Variants in ADHFE1 observed in about 807,000 individuals in gnomAD.
ADHFE1 encodes the protein hydroxyacid-oxoacid transhydrogenase, mitochondrial.
A neutral mutation model predicts 54.8 loss-of-function variants in ADHFE1; 37 were observed. That is an observed-to-expected ratio of 0.68 (90% CI 0.52 to 0.89). ADHFE1 has a LOEUF of 0.89. Ranked by LOEUF, ADHFE1 falls within the 40% of genes least tolerant of loss-of-function variation. The pLI is 0.00. For missense variants in ADHFE1, 601 were observed against 591.2 expected, an observed-to-expected ratio of 1.02 and a Z score of -0.17; for synonymous variants, 203 against 229.3, an observed-to-expected ratio of 0.89 and a Z score of 1.04.
chr8:66,439,275 A>C lies in ADHFE1; in HGVS notation c.60-887A>C. The C allele has an allele frequency of 1.0e-6, 1 of 985,518 alleles. No homozygotes were observed. The highest frequency in any genetic ancestry group is 1.2e-6 in the Non-Finnish European group (1 of 829,986). 61.0% of individuals were successfully genotyped at this position (985,518 alleles called of 1,614,324 possible). On this transcript the variant is annotated intron_variant, in intron 1 of 13. Transcript: ENST00000396623. This position sits in a 1 kb window ranked among gnomAD's most constrained non-coding sequence, Gnocchi z 4.4. ...CGGGGAGAAGGAAGTGATGCACTCA[A>C]GTATCTACCGAGACCCAACCACTGG...
chr8:66,464,892 G>T (rs988152791), intron 13 of ADHFE1, among the ~76,000 whole-genome samples: 3 of 151,998 alleles, frequency 2.0e-5, no homozygotes, highest in Non-Finnish European at 4.4e-5. Context: ...CACAGCCCCT[G>T]GGAACCTCTG....
chr8:66,465,646 C>T (rs1807132827), intron 13 of ADHFE1, among the ~76,000 whole-genome samples: 1 of 152,146 alleles, frequency 6.6e-6, no homozygotes, highest in African/African-American at 2.4e-5. Flanking sequence ...TGTCATCAGG[C>T]TGGAGTGCAG....
At position 66,432,546 on chromosome 8, in the gene ADHFE1, G is replaced by T. The variant is rs567279706; in HGVS notation, c.30G>T (p.Ala10=). The T allele has an allele frequency of 2.0e-5, 27 of 1,357,350 alleles. No homozygotes were observed. The African/African-American group carries it at 3.4e-4, about 17-fold the overall frequency. 84.1% of individuals were successfully genotyped at this position (1,357,350 alleles called of 1,614,324 possible). A position where few individuals can be genotyped will look rare whatever the true frequency, so the allele number is the denominator to read the frequency against. Residue 10 remains alanine, a synonymous_variant, in exon 1 of 14, where the codon GCG becomes GCT. Transcript: ENST00000396623. ...CCGCTGCCGCCCGAGCCCGGGTCGCGTACTTGCTGAGGCAACTGCAACGCG... is the reference window on the plus strand; with the variant it reads ...CCGCTGCCGCCCGAGCCCGGGTCGCTTACTTGCTGAGGCAACTGCAACGCG... MAAAARARV[A]YLLRQLQRAA... is the part of the protein sequence containing the mutation.
At chr8:66,438,867 GA>G (rs5892054) in intron 1 of ADHFE1, among the ~76,000 whole-genome samples, 93,211 of 149,546 alleles carry the variant, frequency 0.62, 30,461 homozygotes, top group African/African-American at 0.82. Flanking sequence ...GCTTGGGGAA[GA>G]AAAAAAAAAG....
At chr8:66,435,011 G>T (rs1240372695) in intron 1 of ADHFE1, among the ~76,000 whole-genome samples, 1 of 150,774 alleles carries the variant, frequency 6.6e-6, no homozygotes, top group Admixed American at 6.6e-5. Flanking sequence ...ATGCAGCCCT[G>T]CTTTGACTGT....
At chr8:66,460,140 G>C in intron 12 of ADHFE1, 168 bp from the exon 13 acceptor site, 1 of 759,300 alleles carries the variant, frequency 1.3e-6, no homozygotes, top group Non-Finnish European at 2.1e-6. Context: ...AGCTAAGTGA[G>C]CTCCCCCAGC....
At chr8:66,466,931 T>C (rs1018672324) in intron 13 of ADHFE1, among the ~76,000 whole-genome samples, 1 of 152,192 alleles carries the variant, frequency 6.6e-6, no homozygotes, top group African/African-American at 2.4e-5. Flanking sequence ...CAGAGCCAGA[T>C]CGGGGTAGCC....
rs780847974 is a variant in ADHFE1 at position 66,445,380 on chromosome 8, G to A, written c.516G>A (p.Lys172=). ...TCAGTGCCCCCATTGGCAAGGGAAA[G>A]CCTGTGTCTGTGCCTCTTAAGCCTC... The part of the protein sequence containing the change: ...DYVSAPIGKG[K]PVSVPLKPLI... The change falls in exon 6 of 14, where the codon AAG becomes AAA. Residue 172 remains lysine, a synonymous_variant. Coordinates refer to ENST00000396623, the MANE Select transcript of ADHFE1 (RefSeq NM_144650.3). 1 of 1,613,514 alleles carries A rather than the reference G, an allele frequency of 6.2e-7. No individual in the cohort carries two copies. The highest frequency in any genetic ancestry group is 8.5e-7 in the Non-Finnish European group (1 of 1,179,906).
intron 12 of ADHFE1, 33 bp from the exon 13 acceptor site, chr8:66,460,275 C>G (rs764518674): frequency 5.0e-6 from 8 of 1,611,596 alleles, no homozygotes; most frequent in African/African-American, 1.3e-5. Flanking sequence ...GTTTCTTCCT[C>G]TCTCCCTACA....
rs139901096 is a variant in ADHFE1 at position 66,451,481 on chromosome 8, C to G, written c.735-472C>G. Among the ~76,000 whole-genome samples the G allele has an allele frequency of 6.9e-3, 1,052 of 152,282 alleles. 15 individuals are homozygous for G. The highest frequency in any genetic ancestry group is 0.024 in the African/African-American group (1,014 of 41,526). ...TGTTCCAGGATTGACATCTGGGCAG[C>G]TGACCCCAAAGTCTATATTCTCACT... On this transcript the variant is annotated intron_variant, in intron 8 of 13. Coordinates refer to ENST00000396623, the MANE Select transcript of ADHFE1 (RefSeq NM_144650.3).
intron 8 of ADHFE1, among the ~76,000 whole-genome samples, chr8:66,449,692 C>T (rs2130415038): frequency 6.6e-6 from 1 of 152,344 alleles, no homozygotes; most frequent in Middle Eastern, 3.4e-3. Context: ...TCACATTCAG[C>T]ATGTGCCAAA....
intron 6 of ADHFE1, among the ~76,000 whole-genome samples, chr8:66,446,602 AAC>A (rs1317324474): frequency 2.0e-5 from 3 of 152,214 alleles, no homozygotes; most frequent in Non-Finnish European, 4.4e-5. Context: ...ATGCACATTA[AAC>A]ACACATGTAT....
chr8:66,451,093 G>C (rs1420930949), intron 8 of ADHFE1, among the ~76,000 whole-genome samples: 2 of 152,200 alleles, frequency 1.3e-5, no homozygotes, highest in Non-Finnish European at 2.9e-5. Flanking sequence ...GCAAAATATA[G>C]TTCATGTTAC....
intron 2 of ADHFE1, among the ~76,000 whole-genome samples, chr8:66,440,916 T>C (rs566244016): frequency 1.1e-4 from 16 of 152,224 alleles, no homozygotes; most frequent in African/African-American, 3.1e-4. Flanking sequence ...GAGAAGCCTG[T>C]TGGGGAGTTA....
chr8:66,462,802 C>T (rs890029144), intron 13 of ADHFE1, among the ~76,000 whole-genome samples: 15 of 152,126 alleles, frequency 9.9e-5, no homozygotes, highest in Non-Finnish European at 2.1e-4. Flanking sequence ...TGTGGTCAGA[C>T]TGTCACTTTC....
At chr8:66,460,769 T>C (rs1280488482) in intron 13 of ADHFE1, among the ~76,000 whole-genome samples, 3 of 152,224 alleles carry the variant, frequency 2.0e-5, no homozygotes, top group Non-Finnish European at 4.4e-5. Context: ...TGGCAAAATT[T>C]CCCTTTTCCC....
chr8:66,440,726 A>G (rs1342362164), intron 2 of ADHFE1, among the ~76,000 whole-genome samples: 1 of 152,230 alleles, frequency 6.6e-6, no homozygotes, highest in Non-Finnish European at 1.5e-5. Context: ...ACCAAACACC[A>G]AACACTGTGG....
chr8:66,464,888 C>A (rs1292121289), intron 13 of ADHFE1, among the ~76,000 whole-genome samples: 1 of 152,142 alleles, frequency 6.6e-6, no homozygotes, highest in Non-Finnish European at 1.5e-5. Context: ...TTCTCACAGC[C>A]CCTGGGAACC....
In ADHFE1 at chr8:66,449,586, G is replaced by A. The variant is rs185937030; in HGVS notation, c.734+616G>A. Among the ~76,000 whole-genome samples, 285 of 152,230 alleles carry A rather than the reference G, an allele frequency of 1.9e-3. 1 individual carries two copies. The highest frequency in any genetic ancestry group is 6.6e-3 in the African/African-American group (273 of 41,540). ...CCATAGTCTTACTGTATGTTCCCTC[G>A]GCTTCAGCTGCTTTGTGCCGATGGC... On this transcript the variant is annotated intron_variant, in intron 8 of 13. Coordinates refer to ENST00000396623, the MANE Select transcript of ADHFE1 (RefSeq NM_144650.3).
Sources: gnomAD v4.1 joint callset for allele counts (sites outside exome capture counted in the v4.1 genomes callset) on GRCh38, gnomAD v4.1.1 for gene constraint, Gnocchi (gnomAD v3.1) non-coding constraint, MANE v1.5 for transcripts, NCBI Gene and HGNC (gene_info 2026-07-23, HGNC 2026-07-21) for gene names.